The following NOP9 variants were observed in gnomAD, a reference collection of about 807,000 sequenced individuals.
NOP9 encodes NOP9 nucleolar protein, also known as nucleolar protein 9.
Under a neutral mutation model 63.0 loss-of-function variants are expected in NOP9, and 50 were observed. That is an observed-to-expected ratio of 0.79 (90% CI 0.63 to 1.00). NOP9 has a LOEUF of 1.00. Among genes scored for constraint, NOP9 ranks in the 50% least tolerant of loss-of-function variants. The pLI, the probability that NOP9 is intolerant of heterozygous loss-of-function variation, is 0.00. For missense variants in NOP9, 758 were observed against 803.0 expected, an observed-to-expected ratio of 0.94 and a Z score of 0.68; for synonymous variants, 343 against 332.8, an observed-to-expected ratio of 1.03 and a Z score of -0.33.
the NOP9 span, among the ~76,000 whole-genome samples, chr14:24,285,991 A>G: frequency 2.0e-5 from 3 of 152,142 alleles, no homozygotes; most frequent in Non-Finnish European, 2.9e-5. Flanking sequence ...GTCAAAAAAA[A>G]AAAAAAATTA....
At chr14:24,287,409 C>T in the NOP9 span, among the ~76,000 whole-genome samples, 26 of 152,174 alleles carry the variant, frequency 1.7e-4, no homozygotes, top group African/African-American at 5.3e-4. Context: ...GCTGTTCCCT[C>T]GCATCATGCC....
Position 24,302,055 on chromosome 14 carries a change from G to A in NOP9, c.899G>A (p.Cys300Tyr). 6.2e-7 allele frequency: 1 copy of A among 1,614,122 alleles called. No homozygotes were observed. The highest frequency in any genetic ancestry group is 8.5e-7 in the Non-Finnish European group (1 of 1,179,986). Residue 300 changes from cysteine (C) to tyrosine (Y), a missense_variant, in exon 4 of 10, where the codon TGC becomes TAC. Coordinates refer to ENST00000267425, the MANE Select transcript of NOP9 (RefSeq NM_174913.3). ...CTTCCCCAGTTTTGCGCTCATCTCT[G>A]CAATGCTGTGATTGGCTACCTGAGT... ...RKLPQFCAHL[C>Y]NAVIGYLSTR...
At position 24,299,949 on chromosome 14, in the gene NOP9, G is replaced by A; in HGVS notation, c.-6G>A. On this transcript the variant is annotated 5_prime_UTR_variant, in exon 1 of 10. Transcript: ENST00000267425. ...CTTTTGCAGCCGGACAGGTCGCGAA[G>A]CACACATGGGGCAGGGTCCGCGCTC... 1 of 1,530,804 alleles carries A rather than the reference G, an allele frequency of 6.5e-7. No individual in the cohort carries two copies. Among genetic ancestry groups the A allele is most frequent in the East Asian group, 2.3e-5 (1 of 43,942 alleles). The allele number at this position is 1,530,804 out of a possible 1,614,324, so 94.8% of individuals were successfully genotyped here.
Position 24,301,702 on chromosome 14 carries a change from C to T in NOP9, c.788C>T (p.Ser263Phe), listed in dbSNP as rs1482966556. Residue 263 changes from serine to phenylalanine, a missense_variant, in exon 3 of 10, where the codon TCC (serine) becomes TTC (phenylalanine). Ser to Phe is a radical substitution (Grantham distance 155). Coordinates refer to ENST00000267425, the MANE Select transcript of NOP9 (RefSeq NM_174913.3). ...AATCGCCTTCAGGACCTGAGCTCCT[C>T]CTTTCTGAAGGACATTGCAGGTAAG... ...FLNRLQDLSS[S>F]FLKDIAVFIT... The T allele has an allele frequency of 8.7e-6, 14 of 1,614,142 alleles. No individual in the cohort carries two copies. Among genetic ancestry groups the T allele is most frequent in the Non-Finnish European group, 1.1e-5 (13 of 1,180,018 alleles).
chr14:24,291,322 G>C, the NOP9 span: 2 of 1,273,130 alleles, frequency 1.6e-6, no homozygotes, highest in Non-Finnish European at 2.3e-6. Context: ...CTGGAGCTCA[G>C]GATCCCTGGA....
chr14:24,274,415 G>A, the NOP9 span, among the ~76,000 whole-genome samples: 11 of 152,282 alleles, frequency 7.2e-5, 1 homozygote, highest in South Asian at 4.1e-4. Context: ...GTAATATGAC[G>A]TGAAGGTGGG....
rs1385595712 is a variant in NOP9, at chr14:24,305,497, G to A, written c.*402G>A. 2.8e-6 allele frequency: 3 copies of A among 1,052,824 alleles called. No homozygotes were observed. Among genetic ancestry groups the A allele is most frequent in the Non-Finnish European group, 4.1e-6 (3 of 724,226 alleles). 65.2% of individuals were successfully genotyped at this position (1,052,824 alleles called of 1,614,324 possible). On this transcript the variant is annotated 3_prime_UTR_variant, in exon 10 of 10. Coordinates refer to ENST00000267425, the MANE Select transcript of NOP9 (RefSeq NM_174913.3). ...GCGTTATGCTGAAAGGTTCTGTCAC[G>A]AGGGGATCAGAGGACAGTGGGGAAA...
chr14:24,278,278 G>C, the NOP9 span, among the ~76,000 whole-genome samples: 4 of 152,162 alleles, frequency 2.6e-5, no homozygotes, highest in Non-Finnish European at 5.9e-5. Context: ...GCACCCATCA[G>C]CTCTATCTTA....
Position 24,302,597 on chromosome 14 carries a change from G to A in NOP9, c.1143+173G>A, listed in dbSNP as rs568969166. ...ATAAAGGTGCCCACCTTCTAGTGAG[G>A]ATTTGTTTTGACTTCTCTCAGGTAT... On this transcript the variant is annotated intron_variant, in intron 5 of 9. Transcript: ENST00000267425. 8.3e-4 allele frequency among the ~76,000 whole-genome samples: 127 copies of A among 152,332 alleles called. 3 individuals are homozygous for A. The South Asian group carries it at 0.014, about 17-fold the overall frequency.
the NOP9 span, among the ~76,000 whole-genome samples, chr14:24,273,266 C>T: frequency 6.6e-6 from 1 of 151,624 alleles, no homozygotes; most frequent in Admixed American, 6.6e-5. Flanking sequence ...GCAACCTCTG[C>T]CTCCTGGGTT....
chr14:24,292,439 G>A, the NOP9 span: 1 of 1,526,224 alleles, frequency 6.6e-7, no homozygotes, highest in Non-Finnish European at 8.9e-7. Flanking sequence ...CTTCCCAGGA[G>A]CCCCAAGGTC....
chr14:24,290,689 A>G, the NOP9 span: 1 of 717,372 alleles, frequency 1.4e-6, no homozygotes, highest in Non-Finnish European at 2.3e-6. Flanking sequence ...ACCAAGGCAC[A>G]AAGAAGGGAC....
chr14:24,274,815 AG>A, the NOP9 span, among the ~76,000 whole-genome samples: 1 of 149,512 alleles, frequency 6.7e-6, no homozygotes, highest in African/African-American at 2.5e-5. Context: ...TCACCTTGTT[AG>A]CCAGGATGGT....
the NOP9 span, among the ~76,000 whole-genome samples, chr14:24,290,174 G>A: frequency 1.3e-5 from 2 of 152,360 alleles, no homozygotes; most frequent in African/African-American, 4.8e-5. Context: ...GAACCATCCC[G>A]AGAGGAAGGA....
chr14:24,303,839 A>C lies in NOP9; in HGVS notation c.1392A>C (p.Ala464=), dbSNP rs765375976. 6 of 1,614,026 alleles carry C rather than the reference A, an allele frequency of 3.7e-6. No homozygotes were observed. In the Admixed American group the frequency reaches 1.0e-4, roughly 27 times the overall value. Residue 464 remains alanine (A), a synonymous_variant, in exon 7 of 10, where the codon GCA becomes GCC. Coordinates refer to ENST00000267425, the MANE Select transcript of NOP9 (RefSeq NM_174913.3). The part of the protein sequence containing the change: ...VYYGLTEEEG[A]VPAEHQVAMA... Reference sequence around the variant, plus strand: ...ATGGACTGACGGAGGAGGAGGGGGCAGTGCCTGCAGAGCACCAGGTGAGGT... The same window carrying C: ...ATGGACTGACGGAGGAGGAGGGGGCCGTGCCTGCAGAGCACCAGGTGAGGT...
chr14:24,306,999 T>C lies in NOP9; in HGVS notation c.*1904T>C, dbSNP rs1300103024. On this transcript the variant is annotated 3_prime_UTR_variant, in exon 10 of 10. Coordinates refer to ENST00000267425, the MANE Select transcript of NOP9 (RefSeq NM_174913.3). ...AACCCTAGGAGGTGATGTATTATTA[T>C]TGCCTTTTTATAGTTGAAGAAACTG... 4.1e-6 allele frequency: 1 copy of C among 246,454 alleles called. No individual in the cohort carries two copies. Among genetic ancestry groups the C allele is most frequent in the Non-Finnish European group, 8.0e-6 (1 of 125,378 alleles). 15.3% of individuals were successfully genotyped at this position (246,454 alleles called of 1,614,324 possible). A position where few individuals can be genotyped will look rare whatever the true frequency, so the allele number is the denominator to read the frequency against.
the NOP9 span, among the ~76,000 whole-genome samples, chr14:24,288,018 G>C: frequency 6.6e-6 from 1 of 152,144 alleles, no homozygotes; most frequent in African/African-American, 2.4e-5. Flanking sequence ...CATTCCCTTG[G>C]GTGGTGTACT....
the NOP9 span, chr14:24,271,707 A>G: frequency 1.3e-5 from 2 of 152,288 alleles, no homozygotes; most frequent in Non-Finnish European, 2.9e-5. Context: ...CCTGGTGTGT[A>G]CGAGTGCGCA....
upstream of NOP9, chr14:24,298,762 C>G (rs2041308484): frequency 1.4e-6 from 1 of 726,708 alleles, no homozygotes; most frequent in Admixed American, 3.5e-5. Context: ...AAAGTTTTTT[C>G]ATAAAACTCA....
Sources: gnomAD v4.1 joint callset for allele counts (sites outside exome capture counted in the v4.1 genomes callset) on GRCh38, gnomAD v4.1.1 for gene constraint, MANE v1.5 for transcripts, NCBI Gene and HGNC (gene_info 2026-07-23, HGNC 2026-07-21) for gene names.